Variants in ADAMTSL1 observed in about 807,000 individuals in gnomAD.
The protein encoded by ADAMTSL1 is ADAMTS like 1.
ADAMTSL1 carries 126 observed loss-of-function variants against 201.8 expected under a neutral mutation model. That is an observed-to-expected ratio of 0.62 (90% confidence interval 0.54 to 0.72). The LOEUF (loss-of-function observed/expected upper bound fraction) is 0.72. ADAMTSL1 is among the 30% of genes least tolerant of loss of function. ADAMTSL1 has a pLI of 0.00. For missense variants in ADAMTSL1, 2,679 were observed against 2,277.8 expected (o/e 1.18, Z -3.59); for synonymous variants, 1,121 against 903.4 (o/e 1.24, Z -4.32).
intron 3 of ADAMTSL1, among the ~76,000 whole-genome samples, chr9:18,562,408 C>A (rs1018252881): frequency 1.3e-5 from 2 of 152,142 alleles, no homozygotes; most frequent in African/African-American, 4.8e-5. Context: ...GATGGGCTTC[C>A]CTTTGTCAGT....
intron 4 of ADAMTSL1, among the ~76,000 whole-genome samples, chr9:18,620,086 A>G (rs1331196321): frequency 2.2e-5 from 3 of 134,890 alleles, no homozygotes; most frequent in African/African-American, 8.6e-5. Context: ...GTATCCAGGC[A>G]TTTCTAAAGG....
At chr9:18,196,850 C>T (rs901532021) in intron 2 of ADAMTSL1, among the ~76,000 whole-genome samples, 2 of 152,056 alleles carry the variant, frequency 1.3e-5, no homozygotes, top group Admixed American at 6.6e-5. Context: ...TATTCCTGCC[C>T]TCAACCTGAC....
chr9:18,623,672 C>G (rs1826176982), intron 5 of ADAMTSL1, among the ~76,000 whole-genome samples: 1 of 152,174 alleles, frequency 6.6e-6, no homozygotes, highest in Non-Finnish European at 1.5e-5. Context: ...CTGACAATCA[C>G]TATTCTAGGC....
intron 2 of ADAMTSL1, among the ~76,000 whole-genome samples, chr9:18,268,651 C>A (rs1431149087): frequency 6.6e-6 from 1 of 152,106 alleles, no homozygotes; most frequent in East Asian, 1.9e-4. Flanking sequence ...GAGAGAAGGG[C>A]AGTAGAGTCC....
chr9:18,415,914 GA>G lies in ADAMTSL1; in HGVS notation c.208-88908del, dbSNP rs563649600. Among the ~76,000 whole-genome samples the G allele has an allele frequency of 1.3e-4, 20 of 151,894 alleles. No homozygotes were observed. In the East Asian group the frequency reaches 3.5e-3, roughly 26 times the overall value. On this transcript the variant is annotated intron_variant, in intron 2 of 29. Transcript: ENST00000680146. ...AGCAGTATTTGTAAAATACTGAAAG[GA>G]AAAAAAGGTGATAATCTAGAACCCC...
chr9:18,238,404 G>C (rs757993879), intron 2 of ADAMTSL1, among the ~76,000 whole-genome samples: 1 of 152,180 alleles, frequency 6.6e-6, no homozygotes, highest in Non-Finnish European at 1.5e-5. Context: ...ACATCCCTTT[G>C]TGCAGGCAGC....
At chr9:17,992,896 A>G (rs1476084590) in intron 1 of ADAMTSL1, among the ~76,000 whole-genome samples, 1 of 152,196 alleles carries the variant, frequency 6.6e-6, no homozygotes, top group Non-Finnish European at 1.5e-5. Context: ...CTGCTATTCC[A>G]GCATTACACA....
intron 20 of ADAMTSL1, among the ~76,000 whole-genome samples, chr9:18,808,582 T>G (rs952244265): frequency 6.6e-6 from 1 of 152,246 alleles, no homozygotes; most frequent in Non-Finnish European, 1.5e-5. Context: ...AAACCACCTT[T>G]ATTATTAAAA....
intron 14 of ADAMTSL1, among the ~76,000 whole-genome samples, chr9:18,709,171 C>T (rs1276560191): frequency 2.6e-5 from 4 of 152,082 alleles, no homozygotes; most frequent in African/African-American, 7.2e-5. Flanking sequence ...AAGTTAGAGT[C>T]GAAAATTCCA....
chr9:18,159,365 A>G (rs1046059102), intron 1 of ADAMTSL1, among the ~76,000 whole-genome samples: 2 of 152,020 alleles, frequency 1.3e-5, no homozygotes, highest in African/African-American at 2.4e-5. Flanking sequence ...AAACTAAATG[A>G]AGAAAGAAGA....
intron 2 of ADAMTSL1, among the ~76,000 whole-genome samples, chr9:18,514,621 C>T (rs1261994467): frequency 1.3e-5 from 2 of 152,124 alleles, no homozygotes; most frequent in Admixed American, 6.5e-5. Context: ...TGAGCCACCA[C>T]GCCCAGCCTG....
At chr9:18,315,606 C>T (rs537565140) in intron 2 of ADAMTSL1, among the ~76,000 whole-genome samples, 10 of 152,264 alleles carry the variant, frequency 6.6e-5, no homozygotes, top group South Asian at 2.1e-4. Context: ...CCTCACTGCC[C>T]GGGCCGGCCG....
intron 19 of ADAMTSL1, among the ~76,000 whole-genome samples, chr9:18,785,573 A>G (rs1419174067): frequency 6.6e-6 from 1 of 152,220 alleles, no homozygotes; most frequent in Non-Finnish European, 1.5e-5. Context: ...ACCACAGGCA[A>G]TATGAAGCTA....
At chr9:17,938,256 A>T (rs930253527) in intron 1 of ADAMTSL1, among the ~76,000 whole-genome samples, 1 of 152,156 alleles carries the variant, frequency 6.6e-6, no homozygotes, top group Non-Finnish European at 1.5e-5. Flanking sequence ...GTCCTGTAAA[A>T]TGACATAAGG....
intron 2 of ADAMTSL1, among the ~76,000 whole-genome samples, chr9:18,271,420 G>A (rs926558963): frequency 1.3e-5 from 2 of 152,016 alleles, no homozygotes; most frequent in Non-Finnish European, 1.5e-5. Context: ...GTGAGAACAT[G>A]CAGTGTTTGG....
At chr9:18,551,646 C>T (rs1398220073) in intron 3 of ADAMTSL1, among the ~76,000 whole-genome samples, 1 of 151,322 alleles carries the variant, frequency 6.6e-6, no homozygotes, top group African/African-American at 2.4e-5. Flanking sequence ...GTCTGACCTC[C>T]TAACTGTGTA....
chr9:18,820,389 A>T (rs1824137824), intron 21 of ADAMTSL1, among the ~76,000 whole-genome samples: 1 of 152,220 alleles, frequency 6.6e-6, no homozygotes, highest in South Asian at 2.1e-4. Flanking sequence ...ATATTAGAGT[A>T]TTAAAGAAAT....
intron 23 of ADAMTSL1, among the ~76,000 whole-genome samples, chr9:18,840,427 T>C (rs1028975873): frequency 6.6e-6 from 1 of 152,228 alleles, no homozygotes; most frequent in African/African-American, 2.4e-5. Flanking sequence ...CATGGTGTTT[T>C]GGTTACTGTA....
At chr9:18,344,160 G>A (rs1461885417) in intron 2 of ADAMTSL1, among the ~76,000 whole-genome samples, 1 of 152,006 alleles carries the variant, frequency 6.6e-6, no homozygotes, top group Non-Finnish European at 1.5e-5. Context: ...TTAGGGTTTG[G>A]TTCACCCGAA....
Sources: allele counts gnomAD v4.1 joint callset (sites outside exome capture counted in the v4.1 genomes callset), GRCh38; gene constraint gnomAD v4.1.1; transcripts MANE v1.5; gene names NCBI Gene and HGNC (gene_info 2026-07-23, HGNC 2026-07-21).